GRID2: variants seen among roughly 807,000 people sequenced by gnomAD.
The protein encoded by GRID2 is glutamate ionotropic receptor delta type subunit 2.
Under a neutral mutation model 114.8 loss-of-function variants are expected in GRID2, and 33 were observed. The ratio of observed to expected loss-of-function variants is 0.29; its 90% CI spans 0.22 to 0.38. The LOEUF (loss-of-function observed/expected upper bound fraction) is 0.38, where lower values mean the gene tolerates loss of function less well. GRID2 is among the 10% of genes least tolerant of loss of function. GRID2 has a pLI of 1.00. For missense variants in GRID2, 1,184 were observed against 1,257.7 expected, an observed-to-expected ratio of 0.94 and a Z score of 0.89; for synonymous variants, 505 against 449.9, an observed-to-expected ratio of 1.12 and a Z score of -1.55.
intron 2 of GRID2, among the ~76,000 whole-genome samples, chr4:92,657,717 A>G (rs1732316786): frequency 6.6e-6 from 1 of 151,806 alleles, no homozygotes; most frequent in South Asian, 2.1e-4. Flanking sequence ...ATGCAGGATT[A>G]GTTTATTTTA....
chr4:92,358,542 T>G lies in GRID2; in HGVS notation c.88+53798T>G, dbSNP rs573739044. Reference sequence around the variant, plus strand: ...TAGAAATGGGAAGAAAGTTTAGAGATAACATTGGGAACTTAAGGGAAATAT... The same window carrying G: ...TAGAAATGGGAAGAAAGTTTAGAGAGAACATTGGGAACTTAAGGGAAATAT... On this transcript the variant is annotated intron_variant, in intron 1 of 15. Transcript: ENST00000282020. Among the ~76,000 whole-genome samples the G allele has an allele frequency of 1.2e-4, 19 of 152,028 alleles. No individual in the cohort carries two copies. The East Asian group carries it at 3.7e-3, about 30-fold the overall frequency.
In GRID2 at chr4:93,553,451, C is replaced by T. The variant is rs750839760; in HGVS notation, c.2193+38040C>T. Among the ~76,000 whole-genome samples, 7 of 152,128 alleles carry T rather than the reference C, an allele frequency of 4.6e-5. No homozygotes were observed. In the South Asian group the frequency reaches 6.2e-4, roughly 14 times the overall value. The stretch of plus-strand genomic sequence containing the variant: ...TAACTGATTTTGGAAGAGGTTTATA[C>T]GTATTATAGTTCATCTTGCTCAATT... On this transcript the variant is annotated intron_variant, in intron 13 of 15. Coordinates refer to ENST00000282020, the MANE Select transcript of GRID2 (RefSeq NM_001510.4).
At chr4:93,656,380 A>G (rs190304920) in intron 14 of GRID2, among the ~76,000 whole-genome samples, 1 of 152,274 alleles carries the variant, frequency 6.6e-6, no homozygotes, top group East Asian at 1.9e-4. Flanking sequence ...GGGGACAAGA[A>G]AAGCTCTAAA....
chr4:93,480,120 A>C (rs2149445681), intron 11 of GRID2, among the ~76,000 whole-genome samples: 1 of 152,222 alleles, frequency 6.6e-6, no homozygotes, highest in South Asian at 2.1e-4. Flanking sequence ...TGATAGAATA[A>C]AAATCTCCAA....
intron 2 of GRID2, among the ~76,000 whole-genome samples, chr4:92,994,068 G>A (rs1367457352): frequency 6.6e-6 from 1 of 152,066 alleles, no homozygotes; most frequent in African/African-American, 2.4e-5. Flanking sequence ...GTCTTTGAAG[G>A]TTGCAGGTGT....
At chr4:93,107,560 G>A (rs1732360538) in intron 3 of GRID2, among the ~76,000 whole-genome samples, 2 of 151,478 alleles carry the variant, frequency 1.3e-5, no homozygotes, top group Non-Finnish European at 2.9e-5. Context: ...TTTTTTTGAG[G>A]GGGCATCTCA....
At chr4:93,252,450 A>T (rs551355358) in intron 8 of GRID2, among the ~76,000 whole-genome samples, 136 of 150,114 alleles carry the variant, frequency 9.1e-4, no homozygotes, top group Non-Finnish European at 1.7e-3. Flanking sequence ...TACAAGTACC[A>T]TGCTGTTTTT....
At chr4:93,071,764 A>G (rs1471683039) in intron 2 of GRID2, among the ~76,000 whole-genome samples, 2 of 152,164 alleles carry the variant, frequency 1.3e-5, no homozygotes, top group South Asian at 4.1e-4. Flanking sequence ...TAAAGGGCCT[A>G]TGGGCCATGA....
intron 2 of GRID2, among the ~76,000 whole-genome samples, chr4:92,728,100 T>C (rs1736149394): frequency 6.6e-6 from 1 of 152,022 alleles, no homozygotes; most frequent in African/African-American, 2.4e-5. Context: ...ATCATGTAAA[T>C]CCTTAGATGG....
intron 1 of GRID2, among the ~76,000 whole-genome samples, chr4:92,466,221 G>A (rs1440799491): frequency 2.0e-5 from 3 of 151,754 alleles, no homozygotes; most frequent in Admixed American, 6.6e-5. Flanking sequence ...TAATTTACTT[G>A]TGTTGGGAGC....
intron 1 of GRID2, among the ~76,000 whole-genome samples, chr4:92,489,185 A>G (rs1332881186): frequency 6.6e-6 from 1 of 152,238 alleles, no homozygotes; most frequent in Non-Finnish European, 1.5e-5. Flanking sequence ...ATGCAGATTT[A>G]GGAAGTTTAC....
intron 10 of GRID2, among the ~76,000 whole-genome samples, chr4:93,450,541 T>C (rs1429407651): frequency 2.6e-5 from 4 of 151,812 alleles, no homozygotes; most frequent in Non-Finnish European, 5.9e-5. Context: ...TCATTTATTT[T>C]AGATTAAATT....
intron 1 of GRID2, among the ~76,000 whole-genome samples, chr4:92,491,169 GAAAATAAT>G (rs1168666916): frequency 6.6e-6 from 1 of 151,946 alleles, no homozygotes; most frequent in Non-Finnish European, 1.5e-5. Context: ...CACTATTTTT[GAAAATAAT>G]AAATGGCTGG....
chr4:93,698,598 A>G (rs563370627), intron 14 of GRID2, among the ~76,000 whole-genome samples: 6 of 152,230 alleles, frequency 3.9e-5, no homozygotes, highest in African/African-American at 7.2e-5. Context: ...AAGAAAAATT[A>G]TGCTTAAAGA....
chr4:92,676,157 C>G (rs1170541425), intron 2 of GRID2, among the ~76,000 whole-genome samples: 8 of 2,996 alleles, frequency 2.7e-3, no homozygotes, highest in East Asian at 0.019. Flanking sequence ...TCGTGTCAAG[C>G]CCCCCCCCCC....
chr4:93,601,614 G>A (rs946353068), intron 13 of GRID2, among the ~76,000 whole-genome samples: 2 of 152,148 alleles, frequency 1.3e-5, no homozygotes, highest in Non-Finnish European at 2.9e-5. Flanking sequence ...CAAGACACAG[G>A]TTTCACTGAA....
At chr4:93,693,107 T>C (rs1726709886) in intron 14 of GRID2, among the ~76,000 whole-genome samples, 1 of 152,184 alleles carries the variant, frequency 6.6e-6, no homozygotes, top group African/African-American at 2.4e-5. Flanking sequence ...TTTTACTATT[T>C]CTTTTATCTA....
chr4:92,916,509 C>G (rs765018457), intron 2 of GRID2, among the ~76,000 whole-genome samples: 4 of 152,014 alleles, frequency 2.6e-5, no homozygotes, highest in Admixed American at 2.6e-4. Context: ...ATGCCTCCCC[C>G]CAGCCCCCAC....
intron 7 of GRID2, among the ~76,000 whole-genome samples, chr4:93,235,655 T>G (rs1306452391): frequency 6.6e-6 from 1 of 152,100 alleles, no homozygotes; most frequent in Non-Finnish European, 1.5e-5. Context: ...TTTCACTGAT[T>G]TTACATGCCA....
Sources: gnomAD v4.1 joint callset for allele counts (sites outside exome capture counted in the v4.1 genomes callset) on GRCh38, gnomAD v4.1.1 for gene constraint, MANE v1.5 for transcripts, NCBI Gene and HGNC (gene_info 2026-07-23, HGNC 2026-07-21) for gene names.